JAZF1: variants seen among roughly 807,000 people sequenced by gnomAD.
The protein encoded by JAZF1 is juxtaposed with another zinc finger protein 1.
JAZF1 carries 8 observed loss-of-function variants against 26.4 expected under a neutral mutation model. That is an observed-to-expected ratio of 0.30 (90% CI 0.18 to 0.55). JAZF1 has a LOEUF of 0.55. Among genes scored for constraint, JAZF1 ranks in the 20% least tolerant of loss-of-function variants. The pLI is 0.94. For missense variants in JAZF1, 199 were observed against 322.0 expected, an observed-to-expected ratio of 0.62 and a Z score of 2.92; for synonymous variants, 126 against 122.3, an observed-to-expected ratio of 1.03 and a Z score of -0.20.
chr7:28,093,823 C>G (rs1032571218), intron 1 of JAZF1, among the ~76,000 whole-genome samples: 5 of 152,182 alleles, frequency 3.3e-5, no homozygotes, highest in African/African-American at 9.7e-5. Context: ...GTAGCGCCCC[C>G]CTGTGGCAAT....
At chr7:28,099,781 A>T (rs1784443719) in intron 1 of JAZF1, among the ~76,000 whole-genome samples, 1 of 152,126 alleles carries the variant, frequency 6.6e-6, no homozygotes, top group Non-Finnish European at 1.5e-5. Context: ...TGGCCTTTTA[A>T]ACATATTTTT....
intron 1 of JAZF1, among the ~76,000 whole-genome samples, chr7:27,995,727 T>C (rs1290689890): frequency 3.3e-5 from 5 of 152,200 alleles, no homozygotes; most frequent in Admixed American, 2.6e-4. Context: ...AGCTCTATTA[T>C]AAGGACTTGG....
chr7:27,896,028 C>A (rs1477137968), intron 2 of JAZF1, among the ~76,000 whole-genome samples: 6 of 152,280 alleles, frequency 3.9e-5, no homozygotes, highest in Non-Finnish European at 8.8e-5. Context: ...GCCAGGCCCA[C>A]CTCAGGAAAC....
chr7:27,888,859 A>G (rs1562519678), intron 3 of JAZF1, among the ~76,000 whole-genome samples: 1 of 152,114 alleles, frequency 6.6e-6, no homozygotes, highest in East Asian at 1.9e-4. Flanking sequence ...GCGCCAAAAT[A>G]TATATACAAA....
intron 2 of JAZF1, among the ~76,000 whole-genome samples, chr7:27,916,170 A>G (rs1201984251): frequency 6.6e-6 from 1 of 152,128 alleles, no homozygotes; most frequent in African/African-American, 2.4e-5. Context: ...GGAGTTCATA[A>G]TAAAATACCA....
chr7:28,036,809 T>C (rs1429192708), intron 1 of JAZF1, among the ~76,000 whole-genome samples: 12 of 151,982 alleles, frequency 7.9e-5, no homozygotes, highest in Non-Finnish European at 1.5e-4. Flanking sequence ...CTGGAGAAGG[T>C]AGGAAAGTAT....
At chr7:28,061,815 G>C (rs1328222965) in intron 1 of JAZF1, among the ~76,000 whole-genome samples, 1 of 152,044 alleles carries the variant, frequency 6.6e-6, no homozygotes, top group Non-Finnish European at 1.5e-5. Flanking sequence ...AAGACAAGTG[G>C]GTATTTCTTG....
intron 1 of JAZF1, among the ~76,000 whole-genome samples, chr7:28,108,473 C>T (rs1401273324): frequency 2.0e-5 from 3 of 152,202 alleles, no homozygotes; most frequent in African/African-American, 4.8e-5. Context: ...CTCTTCCCTG[C>T]CAGTTCTCTC....
intron 1 of JAZF1, among the ~76,000 whole-genome samples, chr7:28,030,412 G>A (rs1317325801): frequency 1.3e-5 from 2 of 152,140 alleles, no homozygotes; most frequent in South Asian, 2.1e-4. Context: ...CAATTATAGC[G>A]CTTTATGAAA....
chr7:27,971,354 C>T (rs1053940768), intron 2 of JAZF1, among the ~76,000 whole-genome samples: 1 of 152,008 alleles, frequency 6.6e-6, no homozygotes, highest in African/African-American at 2.4e-5. Flanking sequence ...GGGGATATGC[C>T]GCTGACTTAG....
chr7:28,031,222 T>C (rs1332198521), intron 1 of JAZF1, among the ~76,000 whole-genome samples: 1 of 152,194 alleles, frequency 6.6e-6, no homozygotes, highest in East Asian at 1.9e-4. Flanking sequence ...TAGGTCTTTC[T>C]AGACCTTAGG....
At chr7:28,099,368 C>CT (rs1350618005) in intron 1 of JAZF1, among the ~76,000 whole-genome samples, 309 of 139,810 alleles carry the variant, frequency 2.2e-3, no homozygotes, top group East Asian at 2.5e-3. Context: ...TTTTTTTTTT[C>CT]TTTTTTTTTT....
chr7:28,045,611 C>A (rs1783483047), intron 1 of JAZF1, among the ~76,000 whole-genome samples: 1 of 152,308 alleles, frequency 6.6e-6, no homozygotes, highest in African/African-American at 2.4e-5. Context: ...GGGTCTCACT[C>A]TGTCGCCAAG....
At chr7:28,033,466 G>T (rs1360563043) in intron 1 of JAZF1, among the ~76,000 whole-genome samples, 1 of 152,136 alleles carries the variant, frequency 6.6e-6, no homozygotes, top group African/African-American at 2.4e-5. Flanking sequence ...AGCCTGTGAA[G>T]GCTCCAAAGT....
Position 28,062,362 on chromosome 7 carries a change from T to G in JAZF1, c.116-70381A>C, listed in dbSNP as rs536136584. On this transcript the variant is annotated intron_variant, in intron 1 of 4. Coordinates refer to ENST00000283928, the MANE Select transcript of JAZF1 (RefSeq NM_175061.4). ...TGTAATGGCTCCAGAGTACTGTGTT[T>G]TGACGTTTTCTTGCTGCTGCTTCAC... Among the ~76,000 whole-genome samples the G allele has an allele frequency of 6.0e-4, 91 of 152,252 alleles. 3 individuals carry two copies. In the Middle Eastern group the frequency reaches 0.01, roughly 17 times the overall value.
chr7:28,174,821 G>GGTGTGTGTGT (rs58952216), intron 1 of JAZF1, among the ~76,000 whole-genome samples: 18,571 of 107,708 alleles, frequency 0.17, 4,930 homozygotes, highest in East Asian at 0.39. Flanking sequence ...GGGGTGTGTG[G>GGTGTGTGTGT]GTGTGTGTGT....
chr7:27,842,525 T>C (rs1782941559), intron 3 of JAZF1: 1 of 152,134 alleles, frequency 6.6e-6, no homozygotes, highest in Non-Finnish European at 1.5e-5. Context: ...CTGGCAAACA[T>C]GAAGCTTTGG....
chr7:27,870,214 C>T (rs1583440003), intron 3 of JAZF1, among the ~76,000 whole-genome samples: 1 of 151,826 alleles, frequency 6.6e-6, no homozygotes, highest in East Asian at 1.9e-4. Flanking sequence ...CGTGAGCCAC[C>T]ATGCCTGGCC....
chr7:28,039,408 G>C (rs971596558), intron 1 of JAZF1, among the ~76,000 whole-genome samples: 2 of 152,168 alleles, frequency 1.3e-5, no homozygotes, highest in Non-Finnish European at 2.9e-5. Flanking sequence ...AGTGTAACAT[G>C]TTTTTGCCAA....
Sources: gnomAD v4.1 joint callset for allele counts (sites outside exome capture counted in the v4.1 genomes callset) on GRCh38, gnomAD v4.1.1 for gene constraint, MANE v1.5 for transcripts, NCBI Gene and HGNC (gene_info 2026-07-23, HGNC 2026-07-21) for gene names.